Variants in RNF4 observed in about 807,000 individuals in gnomAD.
The protein encoded by RNF4 is E3 ubiquitin-protein ligase RNF4.
In RNF4, 7 loss-of-function variants were observed where a neutral mutation model predicts 24.3. That is an observed-to-expected ratio of 0.29 (90% CI 0.16 to 0.54). RNF4 has a LOEUF of 0.54. Among genes scored for constraint, RNF4 ranks in the 20% least tolerant of loss-of-function variants. The pLI, the probability that RNF4 is intolerant of heterozygous loss-of-function variation, is 0.95. For synonymous variants in RNF4, 83 were observed against 84.3 expected (o/e 0.98, Z 0.09); for missense variants, 209 against 248.5 (o/e 0.84, Z 1.07).
chr4:2,506,985 G>T (rs1375914030), intron 4 of RNF4, among the ~76,000 whole-genome samples: 1 of 152,188 alleles, frequency 6.6e-6, no homozygotes, highest in Non-Finnish European at 1.5e-5. Flanking sequence ...TCTTTAAGGG[G>T]AAGGTTATTG....
intron 2 of RNF4, among the ~76,000 whole-genome samples, chr4:2,496,116 A>G (rs1476277889): frequency 6.6e-6 from 1 of 152,218 alleles, no homozygotes; most frequent in Non-Finnish European, 1.5e-5. Flanking sequence ...GCTCTTGGGT[A>G]GCCACTGGGA....
chr4:2,498,013 A>G (rs910424007), intron 3 of RNF4, among the ~76,000 whole-genome samples: 1 of 152,182 alleles, frequency 6.6e-6, no homozygotes, highest in Non-Finnish European at 1.5e-5. Context: ...GAAGTTCTCT[A>G]TATGGTCTCT....
At chr4:2,495,508 G>C (rs938627628) in intron 2 of RNF4, among the ~76,000 whole-genome samples, 6 of 152,160 alleles carry the variant, frequency 3.9e-5, no homozygotes, top group Non-Finnish European at 4.4e-5. Flanking sequence ...AGGAACTTGA[G>C]ACTTAGTAGT....
intron 2 of RNF4, among the ~76,000 whole-genome samples, chr4:2,491,979 A>C (rs1735594593): frequency 6.6e-6 from 1 of 151,708 alleles, no homozygotes; most frequent in African/African-American, 2.4e-5. Context: ...TGGGCGGATC[A>C]CGAGGTCAGG....
At chr4:2,483,122 A>G (rs1379975018) in intron 1 of RNF4, among the ~76,000 whole-genome samples, 1 of 152,198 alleles carries the variant, frequency 6.6e-6, no homozygotes, top group South Asian at 2.1e-4. Flanking sequence ...CTTTCCAGCT[A>G]GGATATATGC....
intron 1 of RNF4, among the ~76,000 whole-genome samples, chr4:2,475,748 T>C (rs563533484): frequency 6.6e-6 from 1 of 152,344 alleles, no homozygotes; most frequent in Non-Finnish European, 1.5e-5. Flanking sequence ...AGTGATTCCC[T>C]ACTTCTTACT....
At chr4:2,511,116 A>G (rs528077313) in intron 4 of RNF4, among the ~76,000 whole-genome samples, 1 of 152,368 alleles carries the variant, frequency 6.6e-6, no homozygotes, top group African/African-American at 2.4e-5. Context: ...AGTGCTGTCT[A>G]AATGTTCACT....
rs183291491 is a variant in RNF4 at position 2,483,328 on chromosome 4, T to C, written c.-157-7009T>C. Among the ~76,000 whole-genome samples the C allele has an allele frequency of 8.5e-3, 1,295 of 152,340 alleles. 22 individuals carry two copies. The highest frequency in any genetic ancestry group is 0.029 in the African/African-American group (1,196 of 41,574). ...GTGAGGTGTTCTACTCAATTAAAGA[T>C]GTGGACACTGAGGCACAGAAGGCAA... On this transcript the variant is annotated intron_variant, in intron 1 of 7. Coordinates refer to ENST00000314289, the MANE Select transcript of RNF4 (RefSeq NM_002938.5).
At chr4:2,494,576 T>A (rs1380416094) in intron 2 of RNF4, 1 of 151,826 alleles carries the variant, frequency 6.6e-6, no homozygotes, top group Non-Finnish European at 1.5e-5. Flanking sequence ...GAGATGGGGT[T>A]TCTACGTGTT....
chr4:2,491,995 A>G (rs916818077), intron 2 of RNF4, among the ~76,000 whole-genome samples: 1 of 151,748 alleles, frequency 6.6e-6, no homozygotes, highest in East Asian at 2.0e-4. Flanking sequence ...TCAGGAGATC[A>G]AGACCATCCT....
intron 4 of RNF4, among the ~76,000 whole-genome samples, chr4:2,510,532 T>TCAG (rs1018130975): frequency 1.3e-5 from 2 of 152,208 alleles, no homozygotes; most frequent in African/African-American, 4.8e-5. Context: ...GCCAACACCC[T>TCAG]CAGCAGCTCA....
intron 1 of RNF4, among the ~76,000 whole-genome samples, chr4:2,478,210 G>T (rs532469782): frequency 1.3e-5 from 2 of 152,352 alleles, no homozygotes; most frequent in African/African-American, 4.8e-5. Flanking sequence ...TTCAAGAGAT[G>T]ACTTGGGTAC....
chr4:2,500,312 C>G (rs1337509880), intron 3 of RNF4, among the ~76,000 whole-genome samples: 1 of 152,154 alleles, frequency 6.6e-6, no homozygotes, highest in African/African-American at 2.4e-5. Context: ...AGAGAAAGGC[C>G]TGGGGCTGGG....
rs1182588172 is a variant in RNF4 at position 2,504,726 on chromosome 4, A to ATTTTTTTT, written c.204+4002_204+4009dup. Among the ~76,000 whole-genome samples, 168 of 61,104 alleles carry ATTTTTTTT rather than the reference A, an allele frequency of 2.7e-3. 17 individuals are homozygous for ATTTTTTTT. In the East Asian group the frequency reaches 0.065, roughly 24 times the overall value. 40.1% of individuals were successfully genotyped at this position (61,104 alleles called of 152,430 possible). A position where few individuals can be genotyped will look rare whatever the true frequency, so the allele number is the denominator to read the frequency against. ...CCACCATGCCCGGCTCATTTTTTGT[A>ATTTTTTTT]TTTTTTTTTTTTTTTTTTTTTGAGA... On this transcript the variant is annotated intron_variant, in intron 4 of 7. Transcript: ENST00000314289.
chr4:2,490,412 G>T lies in RNF4; in HGVS notation c.-82G>T. On this transcript the variant is annotated 5_prime_UTR_variant, in exon 2 of 8. Coordinates refer to ENST00000314289, the MANE Select transcript of RNF4 (RefSeq NM_002938.5). ...GATGAGTAACCAGAGGGCATGAAAG[G>T]TTGAGAACATTTGACTTCCCTGCAA... is the stretch of plus-strand genomic sequence containing the variant. The T allele has an allele frequency of 6.9e-7, 1 of 1,445,374 alleles. No homozygotes were observed. 89.5% of individuals were successfully genotyped at this position (1,445,374 alleles called of 1,614,324 possible).
rs1736331930 is a variant in RNF4 at position 2,513,667 on chromosome 4, T to C, written c.424-3T>C. ...GGAGGCTCTTCTTTTTAATGCCTTCTAGATCGTGCAGAATGGACGTCTCAT... is the reference window on the plus strand; with the variant it reads ...GGAGGCTCTTCTTTTTAATGCCTTCCAGATCGTGCAGAATGGACGTCTCAT... On this transcript the variant is annotated splice_region_variant and splice_polypyrimidine_tract_variant and intron_variant, in intron 7 of 7. Transcript: ENST00000314289. 2 of 1,613,664 alleles carry C rather than the reference T, an allele frequency of 1.2e-6. No homozygotes were observed. The highest frequency in any genetic ancestry group is 1.7e-6 in the Non-Finnish European group (2 of 1,179,880).
intron 4 of RNF4, chr4:2,505,519 G>C (rs1168173849): frequency 2.0e-5 from 3 of 150,228 alleles, no homozygotes; most frequent in Admixed American, 6.6e-5. Context: ...TAGAGACGGG[G>C]TTTCACCATG....
chr4:2,481,805 T>C (rs1735253097), intron 1 of RNF4, among the ~76,000 whole-genome samples: 1 of 152,168 alleles, frequency 6.6e-6, no homozygotes, highest in Non-Finnish European at 1.5e-5. Flanking sequence ...CCTCCCAGTC[T>C]CAAGCGAGCC....
intron 2 of RNF4, among the ~76,000 whole-genome samples, 156 bp from the exon 3 acceptor site, chr4:2,496,851 A>G (rs546486620): frequency 6.6e-6 from 1 of 152,328 alleles, no homozygotes; most frequent in South Asian, 2.1e-4. Flanking sequence ...GTAAGCATTC[A>G]GTATTCTTGA....
Sources: allele counts gnomAD v4.1 joint callset (sites outside exome capture counted in the v4.1 genomes callset), GRCh38; gene constraint gnomAD v4.1.1; transcripts MANE v1.5; gene names NCBI Gene and HGNC (gene_info 2026-07-23, HGNC 2026-07-21).